The following CASK variants were observed in gnomAD, a reference collection of about 807,000 sequenced individuals.
CASK encodes the protein peripheral plasma membrane protein CASK.
Under a neutral mutation model 82.9 loss-of-function variants are expected in CASK, and 4 were observed. The observed-to-expected ratio is 0.05, with a 90% CI of 0.02 to 0.11. The LOEUF (loss-of-function observed/expected upper bound fraction) is 0.11, where lower values mean the gene tolerates loss of function less well. Ranked by LOEUF, CASK falls within the 10% of genes least tolerant of loss-of-function variation. The probability of loss-of-function intolerance (pLI) is 1.00; values close to 1 mark genes in which losing one functional copy is unlikely to be tolerated. For missense variants in CASK, 358 were observed against 720.9 expected (o/e 0.50, Z 5.76); for synonymous variants, 259 against 253.5 (o/e 1.02, Z -0.20).
intron 15 of CASK, 101 bp from the exon 16 acceptor site, chrX:41,569,847 T>TA (rs935210203): frequency 1.4e-5 from 7 of 513,785 alleles, no homozygotes; most frequent in East Asian, 3.7e-5. Context: ...AATTACCAGT[T>TA]AAAAAAAATT....
chrX:41,879,305 T>G (rs191608735), intron 1 of CASK, among the ~76,000 whole-genome samples: 42 of 111,721 alleles, frequency 3.8e-4, no homozygotes, highest in Middle Eastern at 9.2e-3. Context: ...TGCCTGAAAC[T>G]GTGGATAGCA....
chrX:41,572,225 C>T (rs1339560736), intron 15 of CASK, among the ~76,000 whole-genome samples: 2 of 110,178 alleles, frequency 1.8e-5, no homozygotes, highest in African/African-American at 6.6e-5. Context: ...GCTGGAACTA[C>T]AGGCATGCAC....
At chrX:41,860,558 C>T (rs1362177562) in intron 1 of CASK, among the ~76,000 whole-genome samples, 1 of 111,843 alleles carries the variant, frequency 8.9e-6, no homozygotes, top group East Asian at 2.8e-4. Context: ...TTTGTGATAG[C>T]TTTGTGAAAG....
At chrX:41,667,858 C>T (rs2067140763) in intron 6 of CASK, among the ~76,000 whole-genome samples, 1 of 111,795 alleles carries the variant, frequency 8.9e-6, no homozygotes, top group African/African-American at 3.3e-5. Context: ...GGCTGTAGAA[C>T]AGAAAGCACC....
chrX:41,547,080 G>A (rs1602243173), intron 21 of CASK, among the ~76,000 whole-genome samples: 2 of 109,526 alleles, frequency 1.8e-5, no homozygotes, highest in South Asian at 7.9e-4. Flanking sequence ...ACAGGCACCC[G>A]CCACCACGCT....
At chrX:41,747,723 G>A (rs770742372) in intron 3 of CASK, among the ~76,000 whole-genome samples, 1 of 112,687 alleles carries the variant, frequency 8.9e-6, no homozygotes, top group East Asian at 2.8e-4. Context: ...TTACAGGCAT[G>A]AGCCACTGCG....
intron 1 of CASK, 61 bp from the exon 2 acceptor site, chrX:41,853,288 T>C (rs2071300869): frequency 1.5e-6 from 1 of 674,093 alleles, no homozygotes; most frequent in Non-Finnish European, 2.4e-6. Context: ...TTCCCATTAA[T>C]GTCTTACTGT....
intron 5 of CASK, among the ~76,000 whole-genome samples, chrX:41,716,664 G>A (rs1390721606): frequency 8.9e-6 from 1 of 112,165 alleles, no homozygotes; most frequent in Non-Finnish European, 1.9e-5. Context: ...GTAAGAAACT[G>A]TAACTATGTT....
At chrX:41,539,820 G>T (rs903297786) in intron 22 of CASK, among the ~76,000 whole-genome samples, 1 of 112,089 alleles carries the variant, frequency 8.9e-6, no homozygotes, top group African/African-American at 3.2e-5. Flanking sequence ...TGACACAGAA[G>T]AAACCTGAAG....
chrX:41,833,669 C>A (rs779115838), intron 2 of CASK, among the ~76,000 whole-genome samples: 64 of 111,891 alleles, frequency 5.7e-4, no homozygotes, highest in African/African-American at 2.0e-3. Context: ...TTGAAAAAAA[C>A]CAAGTATACG....
At chrX:41,653,446 G>A (rs1396087032) in intron 8 of CASK, among the ~76,000 whole-genome samples, 1 of 112,077 alleles carries the variant, frequency 8.9e-6, no homozygotes, top group Admixed American at 9.5e-5. Context: ...AGAAAAAGAT[G>A]AAATATTCAC....
chrX:41,820,984 T>A (rs1453151559), intron 2 of CASK, among the ~76,000 whole-genome samples: 2 of 111,018 alleles, frequency 1.8e-5, no homozygotes, highest in Non-Finnish European at 3.8e-5. Flanking sequence ...ACTACAATTA[T>A]ACAAGAAAAT....
At position 41,668,736 on chromosome X, in the gene CASK, G is replaced by A. The variant is rs188354984; in HGVS notation, c.532+2692C>T. ...GTTGATAAATAATTAAATGATTGAC[G>A]GAATTTCTTTCTTTTTTTTTTTGAG... On this transcript the variant is annotated intron_variant, in intron 6 of 26. Transcript: ENST00000378163. Among the ~76,000 whole-genome samples, 963 of 110,959 alleles carry A rather than the reference G, an allele frequency of 8.7e-3. 7 individuals carry two copies. Among genetic ancestry groups the A allele is most frequent in the Non-Finnish European group, 0.015 (771 of 52,862 alleles).
chrX:41,841,201 A>T (rs1269154408), intron 2 of CASK, among the ~76,000 whole-genome samples: 1 of 111,733 alleles, frequency 8.9e-6, no homozygotes, highest in Non-Finnish European at 1.9e-5. Flanking sequence ...TTGCCAACAC[A>T]TGCTGTTGTT....
At position 41,819,766 on chromosome X, in the gene CASK, A is replaced by T. The variant is rs2070491618; in HGVS notation, c.173-32483T>A. On this transcript the variant is annotated intron_variant, in intron 2 of 26. Coordinates refer to ENST00000378163, the MANE Select transcript of CASK (RefSeq NM_001367721.1). ...TGACCAAGTAGGGTTTATCCCAGGA[A>T]TGCAAGGTTACTTTAGCATTCAAAA... 2.7e-5 allele frequency among the ~76,000 whole-genome samples: 3 copies of T among 111,959 alleles called. No homozygotes were observed. The Admixed American group carries it at 2.8e-4, about 11-fold the overall frequency.
chrX:41,534,666 T>C lies in CASK; in HGVS notation c.2317+40A>G, dbSNP rs1411878177. 3.0e-6 allele frequency: 3 copies of C among 1,016,174 alleles called. No homozygotes were observed. In the South Asian group the frequency reaches 5.7e-5, roughly 19 times the overall value. The allele number at this position is 1,016,174 out of a possible 1,213,427, so 83.7% of individuals were successfully genotyped here. A position where few individuals can be genotyped will look rare whatever the true frequency, so the allele number is the denominator to read the frequency against. ...ATAAATTATAGAGTTAAAAAAGTGATAGGAAAAATATAATGAAAAGAGATT... is the reference window on the plus strand; with the variant it reads ...ATAAATTATAGAGTTAAAAAAGTGACAGGAAAAATATAATGAAAAGAGATT... On this transcript the variant is annotated intron_variant, in intron 24 of 26. Coordinates refer to ENST00000378163, the MANE Select transcript of CASK (RefSeq NM_001367721.1).
intron 25 of CASK, 40 bp from the exon 26 acceptor site, chrX:41,524,074 A>G: frequency 1.1e-6 from 1 of 931,098 alleles, no homozygotes; most frequent in Non-Finnish European, 1.5e-6. Flanking sequence ...ACTTAAAAGA[A>G]GAAATAACTA....
chrX:41,773,090 A>G (rs1395333318), intron 3 of CASK, among the ~76,000 whole-genome samples: 1 of 111,301 alleles, frequency 9.0e-6, no homozygotes, highest in East Asian at 2.8e-4. Flanking sequence ...AGTGTAATCT[A>G]GGTATGAAAA....
intron 11 of CASK, among the ~76,000 whole-genome samples, chrX:41,619,060 G>A (rs1343103779): frequency 1.8e-5 from 2 of 109,180 alleles, no homozygotes; most frequent in African/African-American, 6.7e-5. Context: ...TCAAACTCCT[G>A]ACCTCGTGAT....
Sources: gnomAD v4.1 joint callset for allele counts (sites outside exome capture counted in the v4.1 genomes callset) on GRCh38, gnomAD v4.1.1 for gene constraint, MANE v1.5 for transcripts, NCBI Gene and HGNC (gene_info 2026-07-23, HGNC 2026-07-21) for gene names.